Variants in RPS6KC1 observed in about 807,000 individuals in gnomAD.
RPS6KC1 encodes the protein ribosomal protein S6 kinase C1.
In RPS6KC1, 54 loss-of-function variants were observed where a neutral mutation model predicts 103.8. That is an observed-to-expected ratio of 0.52 (90% CI 0.42 to 0.65). The LOEUF is 0.65. RPS6KC1 is among the 30% of genes least tolerant of loss of function. The pLI is 0.00. For synonymous variants in RPS6KC1, 439 were observed against 438.7 expected (o/e 1.00, Z -0.01); for missense variants, 1,151 against 1,253.8 (o/e 0.92, Z 1.24).
At chr1:213,062,479 T>C in intron 1 of RPS6KC1, among the ~76,000 whole-genome samples, 1 of 152,182 alleles carries the variant, frequency 6.6e-6, no homozygotes, top group Non-Finnish European at 1.5e-5. Context: ...TAACAAAAAA[T>C]ACAGCTTTTT....
the RPS6KC1 span, among the ~76,000 whole-genome samples, chr1:213,616,293 G>A: frequency 6.6e-6 from 1 of 152,340 alleles, no homozygotes; most frequent in East Asian, 1.9e-4. Flanking sequence ...GGGCTGAGCT[G>A]GTCAGGCGCC....
chr1:213,215,184 G>C (rs1024706943), intron 8 of RPS6KC1, among the ~76,000 whole-genome samples: 1 of 152,322 alleles, frequency 6.6e-6, no homozygotes, highest in African/African-American at 2.4e-5. Flanking sequence ...AGTGTTTAAA[G>C]GACCTGATGG....
At chr1:213,783,428 C>T in the RPS6KC1 span, among the ~76,000 whole-genome samples, 1 of 152,166 alleles carries the variant, frequency 6.6e-6, no homozygotes, top group African/African-American at 2.4e-5. Context: ...CCACTGGTGA[C>T]ATCTGCAGAA....
At chr1:213,536,325 G>A in the RPS6KC1 span, among the ~76,000 whole-genome samples, 4 of 152,190 alleles carry the variant, frequency 2.6e-5, no homozygotes, top group Non-Finnish European at 4.4e-5. Context: ...TGGGGGCTCA[G>A]TGTTATTCTA....
At chr1:213,343,878 C>T in the RPS6KC1 span, among the ~76,000 whole-genome samples, 1 of 152,214 alleles carries the variant, frequency 6.6e-6, no homozygotes, top group African/African-American at 2.4e-5. Flanking sequence ...CAGATTGCCA[C>T]TCCATTCTCC....
the RPS6KC1 span, among the ~76,000 whole-genome samples, chr1:213,290,804 G>T: frequency 6.6e-6 from 1 of 152,048 alleles, no homozygotes; most frequent in Non-Finnish European, 1.5e-5. Flanking sequence ...TGAACTTATT[G>T]GTAGGACACG....
At chr1:213,862,585 T>C in the RPS6KC1 span, among the ~76,000 whole-genome samples, 2 of 152,214 alleles carry the variant, frequency 1.3e-5, no homozygotes, top group African/African-American at 2.4e-5. Context: ...TAGCTATAAC[T>C]GAGGAGTACT....
the RPS6KC1 span, among the ~76,000 whole-genome samples, chr1:213,709,921 G>C: frequency 2.6e-5 from 4 of 152,120 alleles, no homozygotes; most frequent in African/African-American, 7.2e-5. Context: ...CATTTGCTGT[G>C]GAGTGTTTTC....
the RPS6KC1 span, among the ~76,000 whole-genome samples, chr1:213,460,456 C>A: frequency 7.2e-6 from 1 of 137,974 alleles, no homozygotes; most frequent in African/African-American, 2.7e-5. Flanking sequence ...ATTCTTCCAT[C>A]CCTTTATTTT....
At chr1:213,221,108 A>T (rs2093820846) in intron 8 of RPS6KC1, among the ~76,000 whole-genome samples, 1 of 152,230 alleles carries the variant, frequency 6.6e-6, no homozygotes, top group South Asian at 2.1e-4. Context: ...TAGACTGAAT[A>T]AAACATCTTA....
At chr1:213,820,816 A>T in the RPS6KC1 span, 1 of 151,976 alleles carries the variant, frequency 6.6e-6, no homozygotes, top group Admixed American at 6.6e-5. Context: ...CCCAAAACAC[A>T]TTTTTTGGAT....
the RPS6KC1 span, among the ~76,000 whole-genome samples, chr1:213,828,709 A>C: frequency 6.6e-6 from 1 of 152,178 alleles, no homozygotes; most frequent in Non-Finnish European, 1.5e-5. Flanking sequence ...GGGATAGTAA[A>C]ACTGAAGCTC....
chr1:213,193,625 G>A (rs1041850230), intron 8 of RPS6KC1, among the ~76,000 whole-genome samples: 2 of 151,558 alleles, frequency 1.3e-5, no homozygotes, highest in Admixed American at 6.6e-5. Context: ...GAGGTCTATA[G>A]TTTTTTTTAG....
chr1:213,507,338 T>G, the RPS6KC1 span, among the ~76,000 whole-genome samples: 2 of 151,742 alleles, frequency 1.3e-5, no homozygotes, highest in African/African-American at 2.4e-5. Flanking sequence ...CAGCGCAGGG[T>G]GGGGGGCTGA....
the RPS6KC1 span, among the ~76,000 whole-genome samples, chr1:213,502,662 A>T: frequency 6.6e-6 from 1 of 152,144 alleles, no homozygotes; most frequent in South Asian, 2.1e-4. Flanking sequence ...ATATATTTTT[A>T]ATATTAATAT....
the RPS6KC1 span, among the ~76,000 whole-genome samples, chr1:213,700,967 C>A: frequency 6.6e-6 from 1 of 151,876 alleles, no homozygotes; most frequent in African/African-American, 2.4e-5. Flanking sequence ...GAGTCTTTAG[C>A]CTTTTCCAAA....
At chr1:213,316,146 G>A in the RPS6KC1 span, among the ~76,000 whole-genome samples, 1 of 152,172 alleles carries the variant, frequency 6.6e-6, no homozygotes, top group Admixed American at 6.5e-5. Context: ...GATAGTGAGT[G>A]AGTTCTCACA....
chr1:213,671,389 C>T, the RPS6KC1 span, among the ~76,000 whole-genome samples: 13 of 151,556 alleles, frequency 8.6e-5, no homozygotes, highest in South Asian at 2.1e-4. Flanking sequence ...TGGAGGGGAA[C>T]GGGGAGATGT....
At chr1:213,831,846 G>T in the RPS6KC1 span, among the ~76,000 whole-genome samples, 2 of 152,202 alleles carry the variant, frequency 1.3e-5, no homozygotes, top group Admixed American at 1.3e-4. Context: ...CAGCTCAAAA[G>T]TGAGTCTTAG....
Sources: gnomAD v4.1 joint callset for allele counts (sites outside exome capture counted in the v4.1 genomes callset) on GRCh38, gnomAD v4.1.1 for gene constraint, MANE v1.5 for transcripts, NCBI Gene and HGNC (gene_info 2026-07-23, HGNC 2026-07-21) for gene names.